The following DGKH variants were observed in gnomAD, a reference collection of about 807,000 sequenced individuals.
DGKH encodes the protein diacylglycerol kinase eta.
In DGKH, 90 loss-of-function variants were observed where a neutral mutation model predicts 159.3. The ratio of observed to expected loss-of-function variants is 0.57; its 90% CI spans 0.48 to 0.67. DGKH has a LOEUF of 0.67. Ranked by LOEUF, DGKH falls within the 30% of genes least tolerant of loss-of-function variation. The pLI, the probability that DGKH is intolerant of heterozygous loss-of-function variation, is 0.00. For missense variants in DGKH, 1,181 were observed against 1,506.1 expected (o/e 0.78, Z 3.57); for synonymous variants, 536 against 553.8 (o/e 0.97, Z 0.45).
chr13:42,200,584 A>G (rs1957325113), intron 20 of DGKH, among the ~76,000 whole-genome samples: 1 of 152,170 alleles, frequency 6.6e-6, no homozygotes, highest in Non-Finnish European at 1.5e-5. Context: ...TTTTGTAACT[A>G]TATATTTTTA....
At chr13:42,109,221 G>A (rs141675543) in intron 1 of DGKH, among the ~76,000 whole-genome samples, 71 of 152,320 alleles carry the variant, frequency 4.7e-4, no homozygotes, top group African/African-American at 1.6e-3. Context: ...ACTGAGCACC[G>A]TGTGTCAGGA....
intron 1 of DGKH, among the ~76,000 whole-genome samples, chr13:42,089,821 A>ACCAC: frequency 6.6e-6 from 1 of 152,202 alleles, no homozygotes; most frequent in African/African-American, 2.4e-5. Context: ...AAGTATGCCC[A>ACCAC]GGTTCTGGGG....
rs1158629078 is a variant in DGKH at position 42,052,675 on chromosome 13, G to A, written c.192+3710G>A. 2.0e-5 allele frequency among the ~76,000 whole-genome samples: 3 copies of A among 152,366 alleles called. No individual in the cohort carries two copies. The East Asian group carries it at 5.8e-4, about 29-fold the overall frequency. On this transcript the variant is annotated intron_variant, in intron 1 of 29. Coordinates refer to ENST00000337343, the MANE Select transcript of DGKH (RefSeq NM_178009.5). ...TACAGATTCAGACAAATTGGGTTTT[G>A]AGGATGAATGTGAAAGAAGCTTTGT...
chr13:42,059,702 T>C (rs1026132911), intron 1 of DGKH, among the ~76,000 whole-genome samples: 7 of 152,268 alleles, frequency 4.6e-5, no homozygotes, highest in African/African-American at 1.4e-4. Flanking sequence ...TATCTGCCCT[T>C]CTTCAGCTTC....
chr13:42,078,907 T>TC (rs1236715581), intron 1 of DGKH, among the ~76,000 whole-genome samples: 70 of 143,832 alleles, frequency 4.9e-4, no homozygotes, highest in African/African-American at 1.9e-3. Context: ...AGGTATATTC[T>TC]CCTTTTTTTT....
chr13:42,142,804 G>A (rs959954254), intron 3 of DGKH, among the ~76,000 whole-genome samples: 24 of 152,118 alleles, frequency 1.6e-4, no homozygotes, highest in Non-Finnish European at 2.9e-4. Context: ...GGGCTGAGAC[G>A]ATGGGGTTTT....
chr13:42,254,986 A>C (rs1958647509), intron 30 of DGKH, among the ~76,000 whole-genome samples: 1 of 152,054 alleles, frequency 6.6e-6, no homozygotes, highest in African/African-American at 2.4e-5. Context: ...GCTAGACAAA[A>C]ATTTTTATAT....
chr13:42,150,739 A>G (rs538655193), intron 3 of DGKH, among the ~76,000 whole-genome samples: 14 of 152,234 alleles, frequency 9.2e-5, no homozygotes, highest in Non-Finnish European at 1.5e-4. Context: ...TTATTACAAT[A>G]TCAAAATTTG....
intron 1 of DGKH, among the ~76,000 whole-genome samples, chr13:42,081,689 A>ACCTAC (rs1954203490): frequency 1.3e-5 from 2 of 152,158 alleles, no homozygotes; most frequent in African/African-American, 4.8e-5. Context: ...CTGTTTTCTC[A>ACCTAC]ATTCTTCTGA....
In DGKH at chr13:42,185,013, T is replaced by C. The variant is rs184652032; in HGVS notation, c.1539-2036T>C. 1.2e-3 allele frequency among the ~76,000 whole-genome samples: 190 copies of C among 152,302 alleles called. 4 individuals are homozygous for C. Among genetic ancestry groups the C allele is most frequent in the Non-Finnish European group, 1.8e-4 (12 of 68,020 alleles). ...TTGCACATATTTTCTGGAAGTCTTA[T>C]GTATAAAGTAGAAAACTGTGTGTAT... On this transcript the variant is annotated intron_variant, in intron 13 of 29. Coordinates refer to ENST00000337343, the MANE Select transcript of DGKH (RefSeq NM_178009.5).
chr13:42,211,689 C>T (rs1302284915), intron 24 of DGKH, among the ~76,000 whole-genome samples: 1 of 152,000 alleles, frequency 6.6e-6, no homozygotes, highest in Non-Finnish European at 1.5e-5. Flanking sequence ...CAGAGTGAGA[C>T]TCCGTCTTCA....
At chr13:42,254,819 A>G (rs1447411847) in intron 30 of DGKH, among the ~76,000 whole-genome samples, 2 of 152,246 alleles carry the variant, frequency 1.3e-5, no homozygotes, top group African/African-American at 4.8e-5. Flanking sequence ...GTTCAATGAA[A>G]TGTTTCGTGA....
At chr13:42,102,316 C>T (rs1411621998) in intron 1 of DGKH, among the ~76,000 whole-genome samples, 1 of 152,266 alleles carries the variant, frequency 6.6e-6, no homozygotes, top group Non-Finnish European at 1.5e-5. Context: ...CACTGGGAGC[C>T]AGCTGTGCTT....
At chr13:42,179,810 A>G (rs893757343) in intron 13 of DGKH, among the ~76,000 whole-genome samples, 1 of 151,736 alleles carries the variant, frequency 6.6e-6, no homozygotes, top group Admixed American at 6.6e-5. Flanking sequence ...TTTATTAGAG[A>G]AAAGGTTTCC....
At chr13:42,205,263 C>T (rs1450089263) in intron 20 of DGKH, among the ~76,000 whole-genome samples, 1 of 151,954 alleles carries the variant, frequency 6.6e-6, no homozygotes, top group Non-Finnish European at 1.5e-5. Context: ...GCTCATTTTT[C>T]TTGAGTAATT....
chr13:42,186,406 A>C (rs1956930528), intron 13 of DGKH, among the ~76,000 whole-genome samples: 1 of 152,204 alleles, frequency 6.6e-6, no homozygotes, highest in Non-Finnish European at 1.5e-5. Context: ...TTTCTATCGC[A>C]AAGAAGCCAA....
intron 11 of DGKH, among the ~76,000 whole-genome samples, chr13:42,170,526 TCAAAA>T (rs1375088701): frequency 1.3e-5 from 2 of 151,930 alleles, no homozygotes; most frequent in Non-Finnish European, 2.9e-5. Context: ...ATATGCAAAA[TCAAAA>T]CAAAACAAAA....
chr13:42,207,058 CTTCCTTCT>C (rs1283176682), intron 21 of DGKH, among the ~76,000 whole-genome samples: 1,006 of 27,704 alleles, frequency 0.036, 117 homozygotes, highest in Admixed American at 0.045. Context: ...TCCTTCTTTC[CTTCCTTCT>C]TTCTTTCTTT....
chr13:42,141,856 T>G (rs1189337122), intron 3 of DGKH, among the ~76,000 whole-genome samples: 2 of 152,060 alleles, frequency 1.3e-5, no homozygotes, highest in African/African-American at 2.4e-5. Context: ...GCCTGTTCAC[T>G]CTGATGGTAG....
Sources: gnomAD v4.1 joint callset for allele counts (sites outside exome capture counted in the v4.1 genomes callset) on GRCh38, gnomAD v4.1.1 for gene constraint, MANE v1.5 for transcripts, NCBI Gene and HGNC (gene_info 2026-07-23, HGNC 2026-07-21) for gene names.